The following UNC5C variants were observed in gnomAD, a reference collection of about 807,000 sequenced individuals.
The protein encoded by UNC5C is netrin receptor UNC5C.
Under a neutral mutation model 99.8 loss-of-function variants are expected in UNC5C, and 47 were observed. The ratio of observed to expected loss-of-function variants is 0.47; its 90% CI spans 0.37 to 0.60. UNC5C has a LOEUF of 0.60. Among genes scored for constraint, UNC5C ranks in the 20% least tolerant of loss-of-function variants. UNC5C has a pLI of 0.00. For missense variants in UNC5C, 1,062 were observed against 1,165.9 expected (o/e 0.91, Z 1.30); for synonymous variants, 487 against 452.2 (o/e 1.08, Z -0.98).
chr4:95,318,608 A>G (rs1329653891), intron 2 of UNC5C, among the ~76,000 whole-genome samples: 1 of 152,114 alleles, frequency 6.6e-6, no homozygotes, highest in African/African-American at 2.4e-5. Flanking sequence ...TTAGTCACTG[A>G]GGTCACTTCA....
chr4:95,354,479 A>ATATATATTTT, intron 1 of UNC5C, among the ~76,000 whole-genome samples: 3 of 110,352 alleles, frequency 2.7e-5, no homozygotes, highest in African/African-American at 8.1e-5. Context: ...ATATATATAT[A>ATATATATTTT]TTTTTTTTTT....
intron 4 of UNC5C, among the ~76,000 whole-genome samples, chr4:95,265,812 G>C (rs554090683): frequency 6.6e-6 from 1 of 152,144 alleles, no homozygotes. Flanking sequence ...GCAGCCTTGC[G>C]CAGGCTATAA....
At chr4:95,416,205 G>A (rs981965622) in intron 1 of UNC5C, among the ~76,000 whole-genome samples, 5 of 152,114 alleles carry the variant, frequency 3.3e-5, no homozygotes, top group African/African-American at 9.7e-5. Flanking sequence ...CAGAGACCAA[G>A]GAAACATCTG....
At chr4:95,329,423 T>A (rs2149417573) in intron 2 of UNC5C, among the ~76,000 whole-genome samples, 1 of 152,358 alleles carries the variant, frequency 6.6e-6, no homozygotes, top group African/African-American at 2.4e-5. Flanking sequence ...CCTAGGTTTG[T>A]AACTAATCAG....
chr4:95,443,953 A>G (rs2149464536), intron 1 of UNC5C, among the ~76,000 whole-genome samples: 1 of 152,356 alleles, frequency 6.6e-6, no homozygotes, highest in South Asian at 2.1e-4. Flanking sequence ...ATAAACATAT[A>G]TTAATCCATT....
intron 1 of UNC5C, among the ~76,000 whole-genome samples, chr4:95,497,296 G>A (rs1164283571): frequency 5.3e-5 from 8 of 151,974 alleles, no homozygotes; most frequent in Non-Finnish European, 1.2e-4. Flanking sequence ...CACCAGCAGT[G>A]TAAAAGTGTC....
At chr4:95,537,353 G>T (rs1722806505) in intron 1 of UNC5C, among the ~76,000 whole-genome samples, 1 of 152,138 alleles carries the variant, frequency 6.6e-6, no homozygotes, top group African/African-American at 2.4e-5. Context: ...TTCACTAATG[G>T]TCTGATAATA....
chr4:95,333,812 C>T (rs551687737), intron 2 of UNC5C, among the ~76,000 whole-genome samples: 162 of 152,136 alleles, frequency 1.1e-3, no homozygotes, highest in Non-Finnish European at 2.1e-3. Flanking sequence ...TATGTTGTAA[C>T]GTATTTGAGT....
At chr4:95,442,497 C>T (rs1272862909) in intron 1 of UNC5C, among the ~76,000 whole-genome samples, 1 of 150,044 alleles carries the variant, frequency 6.7e-6, no homozygotes, top group East Asian at 2.0e-4. Context: ...TGTGACCCAT[C>T]AAGCCCGCCT....
intron 1 of UNC5C, among the ~76,000 whole-genome samples, chr4:95,347,122 C>A (rs190683203): frequency 6.6e-6 from 1 of 151,964 alleles, no homozygotes; most frequent in East Asian, 1.9e-4. Flanking sequence ...ATGCCAACAG[C>A]AAACAATCTG....
chr4:95,532,197 T>TA lies in UNC5C; in HGVS notation c.124+16536dup, dbSNP rs75884784. Reference sequence around the variant, plus strand: ...AATCACAGGGTAGAAAGTCTGAAGTTAGAGATGGATCTCTGAGGGTGAGGA... The same window carrying TA: ...AATCACAGGGTAGAAAGTCTGAAGTTAAGAGATGGATCTCTGAGGGTGAGGA... On this transcript the variant is annotated intron_variant, in intron 1 of 15. Transcript: ENST00000453304. Among the ~76,000 whole-genome samples the TA allele has an allele frequency of 1.8e-3, 267 of 152,284 alleles. 5 individuals are homozygous for TA. In the East Asian group the frequency reaches 0.045, roughly 26 times the overall value.
rs755431038 is a variant in UNC5C at position 95,170,199 on chromosome 4, C to T, written c.2585G>A (p.Arg862Lys). Residue 862 changes from arginine (R) to lysine (K), a missense_variant, in exon 15 of 16, where the codon AGA becomes AAA. Transcript: ENST00000453304. Reference sequence around the variant, plus strand: ...GGCCAGCATCCTCCAGTCATGGCCTCTCGTCTGGGGGGCATCCAGGCTGCT... The same window carrying T: ...GGCCAGCATCCTCCAGTCATGGCCTTTCGTCTGGGGGGCATCCAGGCTGCT... Reference protein sequence around the residue: ...LCSSLDAPQTRGHDWRMLAHK... With the variant: ...LCSSLDAPQTKGHDWRMLAHK... 6.2e-7 allele frequency: 1 copy of T among 1,614,184 alleles called. No homozygotes were observed. Among genetic ancestry groups the T allele is most frequent in the Non-Finnish European group, 8.5e-7 (1 of 1,180,030 alleles).
At chr4:95,317,794 GA>G (rs1333491200) in intron 2 of UNC5C, among the ~76,000 whole-genome samples, 1 of 152,110 alleles carries the variant, frequency 6.6e-6, no homozygotes, top group Admixed American at 6.5e-5. Context: ...ACCAAATGAG[GA>G]AAAACAGCCA....
At chr4:95,335,351 T>A (rs1743291127) in intron 2 of UNC5C, 59 bp downstream of exon 2, 5 of 1,452,046 alleles carry the variant, frequency 3.4e-6, no homozygotes, top group Non-Finnish European at 4.8e-6. Context: ...TATGTCCACA[T>A]GCTAGAGTAG....
At chr4:95,513,115 C>A (rs139839604) in intron 1 of UNC5C, among the ~76,000 whole-genome samples, 17 of 152,122 alleles carry the variant, frequency 1.1e-4, no homozygotes, top group African/African-American at 3.9e-4. Context: ...ACTGAATGAC[C>A]GAGGCTAAAA....
intron 3 of UNC5C, among the ~76,000 whole-genome samples, chr4:95,294,171 A>G (rs1262704945): frequency 6.6e-6 from 1 of 152,200 alleles, no homozygotes; most frequent in Non-Finnish European, 1.5e-5. Flanking sequence ...GTTTCTTTTT[A>G]AATTGTGGCT....
At chr4:95,190,489 TAAA>T (rs200132938) in intron 12 of UNC5C, among the ~76,000 whole-genome samples, 3 of 151,816 alleles carry the variant, frequency 2.0e-5, no homozygotes, top group African/African-American at 7.3e-5. Context: ...TAAAGTAGAA[TAAA>T]AAAATTTTTT....
At chr4:95,324,079 A>C (rs1029219214) in intron 2 of UNC5C, among the ~76,000 whole-genome samples, 1 of 152,132 alleles carries the variant, frequency 6.6e-6, no homozygotes, top group Non-Finnish European at 1.5e-5. Flanking sequence ...TTCCCACTAC[A>C]GACCTTTCCT....
In UNC5C at chr4:95,263,035, G is replaced by A. The variant is rs1243695131; in HGVS notation, c.595-12368C>T. Reference sequence around the variant, plus strand: ...CCTCCATGTTGGTCAGGCTGGTCTCGAACTCCTGACCTCAGTTGATCCACC... The same window carrying A: ...CCTCCATGTTGGTCAGGCTGGTCTCAAACTCCTGACCTCAGTTGATCCACC... On this transcript the variant is annotated intron_variant, in intron 4 of 15. Coordinates refer to ENST00000453304, the MANE Select transcript of UNC5C (RefSeq NM_003728.4). Among the ~76,000 whole-genome samples, 4 of 151,986 alleles carry A rather than the reference G, an allele frequency of 2.6e-5. No individual in the cohort carries two copies. The East Asian group carries it at 5.8e-4, about 22-fold the overall frequency.
Sources: allele counts gnomAD v4.1 joint callset (sites outside exome capture counted in the v4.1 genomes callset), GRCh38; gene constraint gnomAD v4.1.1; transcripts MANE v1.5; gene names NCBI Gene and HGNC (gene_info 2026-07-23, HGNC 2026-07-21).